CCDC178: variants seen among roughly 807,000 people sequenced by gnomAD.
CCDC178 encodes coiled-coil domain containing 178, also known as coiled-coil domain-containing protein 178.
A neutral mutation model predicts 117.4 loss-of-function variants in CCDC178; 126 were observed. That is an observed-to-expected ratio of 1.07 (90% confidence interval 0.93 to 1.24). The LOEUF (loss-of-function observed/expected upper bound fraction) is 1.24, where lower values mean the gene tolerates loss of function less well. Ranked by LOEUF, CCDC178 falls within the 50% of genes most tolerant of loss-of-function variation. CCDC178 has a pLI of 0.00. For synonymous variants in CCDC178, 283 were observed against 313.4 expected, an observed-to-expected ratio of 0.90 and a Z score of 1.02; for missense variants, 1,030 against 986.9, an observed-to-expected ratio of 1.04 and a Z score of -0.59.
At chr18:33,258,450 G>T (rs4564653) in intron 14 of CCDC178, among the ~76,000 whole-genome samples, 1 of 152,088 alleles carries the variant, frequency 6.6e-6, no homozygotes, top group Admixed American at 6.6e-5. Flanking sequence ...GTTTCTCAAA[G>T]AGGTGACACC....
Position 32,937,854 on chromosome 18 carries a change from G to T in CCDC178, c.*157C>A. On this transcript the variant is annotated 3_prime_UTR_variant, in exon 23 of 23. Coordinates refer to ENST00000383096, the MANE Select transcript of CCDC178 (RefSeq NM_001105528.4). ...TGTTTCATTGTTATGGATTTGCTGT[G>T]AGTAAAAGAGTGGCAAAGCATGCTG... is the stretch of plus-strand genomic sequence containing the variant. 1 of 620,526 alleles carries T rather than the reference G, an allele frequency of 1.6e-6. No homozygotes were observed. The allele number at this position is 620,526 out of a possible 1,614,324, so 38.4% of individuals were successfully genotyped here. A position where few individuals can be genotyped will look rare whatever the true frequency, so the allele number is the denominator to read the frequency against.
chr18:33,347,351 T>C (rs1307948094), intron 8 of CCDC178, among the ~76,000 whole-genome samples: 1 of 152,154 alleles, frequency 6.6e-6, no homozygotes, highest in Non-Finnish European at 1.5e-5. Context: ...ATGGGAGTAT[T>C]AAATAACGGT....
At chr18:33,417,565 A>AC (rs1426041347) in intron 2 of CCDC178, among the ~76,000 whole-genome samples, 38 of 124,844 alleles carry the variant, frequency 3.0e-4, no homozygotes, top group Non-Finnish European at 5.5e-4. Context: ...CACACACACA[A>AC]ATAACTGCAA....
At chr18:32,956,548 T>C (rs548141115) in intron 22 of CCDC178, 106 of 152,324 alleles carry the variant, frequency 7.0e-4, no homozygotes, top group African/African-American at 2.4e-3. Flanking sequence ...ATTATTGCTG[T>C]AAGTAAGTGG....
At chr18:33,137,903 T>C (rs1326481348) in intron 20 of CCDC178, among the ~76,000 whole-genome samples, 1 of 152,210 alleles carries the variant, frequency 6.6e-6, no homozygotes, top group East Asian at 1.9e-4. Flanking sequence ...AAGGCTACTA[T>C]TGAATGGCTC....
chr18:33,341,427 T>G (rs1254104310), intron 9 of CCDC178, among the ~76,000 whole-genome samples: 1 of 152,146 alleles, frequency 6.6e-6, no homozygotes, highest in East Asian at 1.9e-4. Flanking sequence ...GGGGGACAGT[T>G]GGGAAGGCAT....
intron 21 of CCDC178, among the ~76,000 whole-genome samples, chr18:33,005,087 C>T (rs1460807888): frequency 6.6e-6 from 1 of 152,020 alleles, no homozygotes; most frequent in African/African-American, 2.4e-5. Flanking sequence ...ATAGAGCTCC[C>T]ATATGACCCA....
At chr18:32,992,487 T>A (rs1476806925) in intron 21 of CCDC178, among the ~76,000 whole-genome samples, 1 of 152,134 alleles carries the variant, frequency 6.6e-6, no homozygotes, top group Admixed American at 6.6e-5. Context: ...AGGTGGCAAC[T>A]GAGGGAATTT....
intron 20 of CCDC178, among the ~76,000 whole-genome samples, chr18:33,175,040 T>A (rs200869626): frequency 9.1e-6 from 1 of 109,540 alleles, no homozygotes; most frequent in African/African-American, 5.0e-5. Context: ...TTTTATTTTT[T>A]TATTTTTTTT....
chr18:32,961,344 GTCTC>G (rs898218891), intron 22 of CCDC178, among the ~76,000 whole-genome samples: 22 of 152,030 alleles, frequency 1.4e-4, no homozygotes, highest in Non-Finnish European at 2.2e-4. Flanking sequence ...TTTATGAAAT[GTCTC>G]TCTCTATTCC....
chr18:33,131,732 AC>A (rs957679171), intron 20 of CCDC178, among the ~76,000 whole-genome samples: 1 of 151,744 alleles, frequency 6.6e-6, no homozygotes, highest in African/African-American at 2.4e-5. Flanking sequence ...GCATTACTTA[AC>A]CTTACTGAGC....
intron 20 of CCDC178, among the ~76,000 whole-genome samples, chr18:33,192,681 A>G (rs2058873998): frequency 6.6e-6 from 1 of 151,854 alleles, no homozygotes; most frequent in Admixed American, 6.6e-5. Flanking sequence ...TGGGCGGATC[A>G]CCTGAGGTCA....
At chr18:33,206,667 C>T (rs560765401) in intron 20 of CCDC178, among the ~76,000 whole-genome samples, 23 of 151,776 alleles carry the variant, frequency 1.5e-4, no homozygotes, top group East Asian at 5.8e-4. Context: ...TCACACAAAA[C>T]GGAAAAAAAA....
rs547466583 is a variant in CCDC178 at position 33,297,935 on chromosome 18, G to C, written c.1023-4623C>G. On this transcript the variant is annotated intron_variant, in intron 11 of 22. Coordinates refer to ENST00000383096, the MANE Select transcript of CCDC178 (RefSeq NM_001105528.4). ...CGGGCGCCTGTAGTCCCAGCTACTC[G>C]GGAGGCTGAGGCAGGAGAATGGCGT... Among the ~76,000 whole-genome samples the C allele has an allele frequency of 6.6e-5, 10 of 151,914 alleles. No individual in the cohort carries two copies. In the East Asian group the frequency reaches 1.5e-3, roughly 24 times the overall value.
At chr18:33,336,657 C>T (rs540901707) in intron 9 of CCDC178, among the ~76,000 whole-genome samples, 20 of 152,148 alleles carry the variant, frequency 1.3e-4, no homozygotes, top group African/African-American at 4.8e-4. Flanking sequence ...TTGAACAGCA[C>T]TATCAATCAA....
intron 11 of CCDC178, among the ~76,000 whole-genome samples, chr18:33,304,988 G>A (rs1328316236): frequency 6.6e-6 from 1 of 152,086 alleles, no homozygotes; most frequent in Non-Finnish European, 1.5e-5. Flanking sequence ...AAGTTGATTT[G>A]TGAGCCTTGC....
chr18:32,998,528 C>T (rs1430113011), intron 21 of CCDC178, among the ~76,000 whole-genome samples: 1 of 152,100 alleles, frequency 6.6e-6, no homozygotes, highest in Non-Finnish European at 1.5e-5. Context: ...ACCACCCTTC[C>T]CCCAACCCTA....
intron 15 of CCDC178, among the ~76,000 whole-genome samples, chr18:33,244,126 TAC>T (rs1171991569): frequency 6.6e-6 from 1 of 152,000 alleles, no homozygotes; most frequent in Non-Finnish European, 1.5e-5. Flanking sequence ...AATCTTTCAG[TAC>T]AGAAACATTT....
chr18:33,130,614 G>C (rs2058058903), intron 20 of CCDC178, among the ~76,000 whole-genome samples: 1 of 151,922 alleles, frequency 6.6e-6, no homozygotes, highest in Admixed American at 6.6e-5. Flanking sequence ...CTGCCCCAGG[G>C]GGCATTCTCT....
Sources: allele counts gnomAD v4.1 joint callset (sites outside exome capture counted in the v4.1 genomes callset), GRCh38; gene constraint gnomAD v4.1.1; transcripts MANE v1.5; gene names NCBI Gene and HGNC (gene_info 2026-07-23, HGNC 2026-07-21).